WDFY4: variants seen among roughly 807,000 people sequenced by gnomAD.
The protein encoded by WDFY4 is WDFY family member 4.
WDFY4 carries 169 observed loss-of-function variants against 351.9 expected under a neutral mutation model. The ratio of observed to expected loss-of-function variants is 0.48; its 90% CI spans 0.42 to 0.55. The LOEUF (loss-of-function observed/expected upper bound fraction) is 0.55. Ranked by LOEUF, WDFY4 falls within the 20% of genes least tolerant of loss-of-function variation. WDFY4 has a pLI of 0.00. For missense variants in WDFY4, 3,803 were observed against 3,935.6 expected (o/e 0.97, Z 0.90); for synonymous variants, 1,622 against 1,574.6 (o/e 1.03, Z -0.71).
In WDFY4 at chr10:48,758,036, CT is replaced by C. The variant is rs763502362; in HGVS notation, c.2460-2308del. ...CCAAATATTTACCATTTCTGTTGCT[CT>C]TTCTTCATCCCTGAAGTTTCCTTTC... is the stretch of plus-strand genomic sequence containing the variant. On this transcript the variant is annotated intron_variant, in intron 12 of 61. Coordinates refer to ENST00000325239, the MANE Select transcript of WDFY4 (RefSeq NM_001394531.1). Among the ~76,000 whole-genome samples, 7 of 152,152 alleles carry C rather than the reference CT, an allele frequency of 4.6e-5. 1 individual carries two copies. In the South Asian group the frequency reaches 1.5e-3, roughly 32 times the overall value.
intron 14 of WDFY4, 26 bp from the exon 15 acceptor site, chr10:48,775,686 T>A: frequency 6.5e-7 from 1 of 1,544,466 alleles, no homozygotes; most frequent in Middle Eastern, 1.7e-4. Context: ...ATGTCTTCAT[T>A]TTTTCCTCTT....
At chr10:48,761,430 C>T (rs537941085) in intron 13 of WDFY4, among the ~76,000 whole-genome samples, 70 of 152,242 alleles carry the variant, frequency 4.6e-4, no homozygotes, top group Admixed American at 2.8e-3. Flanking sequence ...GAGTCTCTGC[C>T]TGCGGTCCAT....
At chr10:48,723,386 C>T (rs377408210) in intron 4 of WDFY4, 47 bp from the exon 5 acceptor site, 4 of 1,541,348 alleles carry the variant, frequency 2.6e-6, no homozygotes, top group East Asian at 4.9e-5. Flanking sequence ...GGCTGACCTG[C>T]TTCTGCTGCC....
At chr10:48,742,006 A>G (rs973038755) in intron 11 of WDFY4, among the ~76,000 whole-genome samples, 4 of 152,134 alleles carry the variant, frequency 2.6e-5, no homozygotes, top group Non-Finnish European at 1.5e-5. Context: ...TCACATTTCG[A>G]TGAAGCACAG....
intron 24 of WDFY4, among the ~76,000 whole-genome samples, chr10:48,800,453 T>C (rs1339751086): frequency 6.7e-6 from 1 of 148,554 alleles, no homozygotes; most frequent in Non-Finnish European, 1.5e-5. Flanking sequence ...TGAGGGAGGG[T>C]GGGTACAGGA....
intron 41 of WDFY4, among the ~76,000 whole-genome samples, chr10:48,874,762 C>A (rs534784947): frequency 6.6e-6 from 1 of 152,212 alleles, no homozygotes; most frequent in East Asian, 1.9e-4. Context: ...AGCCCTGGAA[C>A]CTCCCCTGGT....
chr10:48,897,399 C>A (rs189764806), intron 44 of WDFY4, 55 bp from the exon 45 acceptor site: 79 of 1,532,950 alleles, frequency 5.2e-5, no homozygotes, highest in Non-Finnish European at 6.5e-5. Context: ...GAAGCCTGCA[C>A]GTGTCCTCAC....
At chr10:48,935,813 G>A (rs1013627702) in intron 47 of WDFY4, among the ~76,000 whole-genome samples, 4 of 152,104 alleles carry the variant, frequency 2.6e-5, no homozygotes, top group African/African-American at 9.7e-5. Flanking sequence ...TGAACACACA[G>A]CAGTAAGCCT....
intron 47 of WDFY4, among the ~76,000 whole-genome samples, chr10:48,941,317 G>A (rs921442291): frequency 6.6e-6 from 1 of 152,222 alleles, no homozygotes; most frequent in African/African-American, 2.4e-5. Context: ...CATATAGGCA[G>A]GCATATGGGT....
At chr10:48,686,606 A>G (rs555682539) in intron 1 of WDFY4, among the ~76,000 whole-genome samples, 4 of 152,342 alleles carry the variant, frequency 2.6e-5, no homozygotes, top group African/African-American at 7.2e-5. Context: ...TAAACATGGA[A>G]TTAAATATTC....
At chr10:48,907,774 G>A (rs891165420) in intron 47 of WDFY4, among the ~76,000 whole-genome samples, 1 of 152,176 alleles carries the variant, frequency 6.6e-6, no homozygotes, top group African/African-American at 2.4e-5. Flanking sequence ...TGCTTAACTA[G>A]TAAAGGTAGT....
In WDFY4 at chr10:48,813,880, A is replaced by T. The variant is rs115281165; in HGVS notation, c.5215-77A>T. ...TTTCCCACTGGGAACCCCTGGAAAC[A>T]TGATGAACTGGCTGCAAAGCTCGTT... On this transcript the variant is annotated intron_variant, in intron 30 of 61. Coordinates refer to ENST00000325239, the MANE Select transcript of WDFY4 (RefSeq NM_001394531.1). The T allele has an allele frequency of 1.5e-5, 21 of 1,404,700 alleles. No homozygotes were observed. In the East Asian group the frequency reaches 5.3e-4, roughly 35 times the overall value. 87.0% of individuals were successfully genotyped at this position (1,404,700 alleles called of 1,614,324 possible). A position where few individuals can be genotyped will look rare whatever the true frequency, so the allele number is the denominator to read the frequency against.
chr10:48,782,727 C>T (rs1250287237), intron 19 of WDFY4, among the ~76,000 whole-genome samples: 1 of 152,214 alleles, frequency 6.6e-6, no homozygotes, highest in Non-Finnish European at 1.5e-5. Flanking sequence ...TTTAACAGCC[C>T]TTCTCAAAAT....
intron 2 of WDFY4, among the ~76,000 whole-genome samples, chr10:48,717,244 G>C (rs4838643): frequency 6.6e-6 from 1 of 152,164 alleles, no homozygotes; most frequent in East Asian, 1.9e-4. Flanking sequence ...TTTCATATTC[G>C]TTTCATTCAC....
intron 40 of WDFY4, among the ~76,000 whole-genome samples, chr10:48,869,063 AC>A (rs1445005576): frequency 6.6e-6 from 1 of 152,244 alleles, no homozygotes; most frequent in Non-Finnish European, 1.5e-5. Flanking sequence ...CCACAAGGAT[AC>A]TTTCCAAGTA....
chr10:48,743,472 G>A lies in WDFY4; in HGVS notation c.2383G>A (p.Val795Ile). The A allele has an allele frequency of 6.5e-7, 1 of 1,547,476 alleles. No individual in the cohort carries two copies. Among genetic ancestry groups the A allele is most frequent in the East Asian group, 2.4e-5 (1 of 40,890 alleles). The change falls in exon 12 of 62, where the codon GTT becomes ATT. Residue 795 changes from valine to isoleucine, a missense_variant. Around this residue, in one of 3 missense-constraint regions of WDFY4, gnomAD observed 3,054 missense variants for 3,148.6 expected, o/e 0.97. Transcript: ENST00000325239. ...GTCCCTGAGGACCAAGCAGGGGCCG[G>A]TTGTGGATGTTCAGAAGGGAGAAAC... Reference protein sequence around the residue: ...KESLRTKQGPVVDVQKGETGS... With the variant: ...KESLRTKQGPIVDVQKGETGS...
rs1418998484 is a variant in WDFY4 at position 48,790,766 on chromosome 10, TG to T, written c.4108del (p.Asp1370ThrfsTer15). 4.5e-6 allele frequency: 7 copies of T among 1,551,886 alleles called. No individual in the cohort carries two copies. Among genetic ancestry groups the T allele is most frequent in the Non-Finnish European group, 6.1e-6 (7 of 1,147,038 alleles). On this transcript the variant is annotated frameshift_variant, in exon 23 of 62. Coordinates refer to ENST00000325239, the MANE Select transcript of WDFY4 (RefSeq NM_001394531.1). LOFTEE classifies it high-confidence loss of function. The stretch of plus-strand genomic sequence containing the variant: ...CACTCCAGCCCTGCTGCCAGCAGCC[TG>T]GACTTCATTGGCGGGCCTGCCATCC... The part of the protein sequence containing the change: ...VFHSSPAASS[L>X]DFIGGPAILL...
chr10:48,807,633 A>G (rs939452282), intron 27 of WDFY4, among the ~76,000 whole-genome samples: 2 of 152,212 alleles, frequency 1.3e-5, no homozygotes, highest in African/African-American at 4.8e-5. Flanking sequence ...TTTTTGGAAG[A>G]TGTGCAGCAT....
chr10:48,826,653 G>C lies in WDFY4; in HGVS notation c.5983-18G>C. 2.6e-6 allele frequency: 4 copies of C among 1,533,224 alleles called. No individual in the cohort carries two copies. The highest frequency in any genetic ancestry group is 3.5e-6 in the Non-Finnish European group (4 of 1,130,676). 95.0% of individuals were successfully genotyped at this position (1,533,224 alleles called of 1,614,324 possible). On this transcript the variant is annotated intron_variant, in intron 35 of 61. Transcript: ENST00000325239. Reference sequence around the variant, plus strand: ...CACTCACAAGTTTGTGTATGTGTATGTTTTTTTAATGACACAGGTCATTGA... The same window carrying C: ...CACTCACAAGTTTGTGTATGTGTATCTTTTTTTAATGACACAGGTCATTGA...
Sources: allele counts gnomAD v4.1 joint callset (sites outside exome capture counted in the v4.1 genomes callset), GRCh38; gene constraint gnomAD v4.1.1; regional missense constraint gnomAD v4.1.1; transcripts MANE v1.5; gene names NCBI Gene and HGNC (gene_info 2026-07-23, HGNC 2026-07-21).